Variants in ARHGAP15 observed in about 807,000 individuals in gnomAD.
The protein encoded by ARHGAP15 is Rho GTPase activating protein 15.
A neutral mutation model predicts 63.7 loss-of-function variants in ARHGAP15; 51 were observed. The observed-to-expected ratio is 0.80, with a 90% CI of 0.64 to 1.01. The LOEUF is 1.01. Ranked by LOEUF, ARHGAP15 falls within the 50% of genes least tolerant of loss-of-function variation. The pLI, the probability that ARHGAP15 is intolerant of heterozygous loss-of-function variation, is 0.00. For missense variants in ARHGAP15, 560 were observed against 564.6 expected, an observed-to-expected ratio of 0.99 and a Z score of 0.08; for synonymous variants, 191 against 193.8, an observed-to-expected ratio of 0.99 and a Z score of 0.12.
chr2:143,518,684 G>A (rs1693929712), intron 9 of ARHGAP15, among the ~76,000 whole-genome samples: 1 of 152,164 alleles, frequency 6.6e-6, no homozygotes, highest in South Asian at 2.1e-4. Flanking sequence ...GAGATAGGAA[G>A]GAGTTAGTGA....
At chr2:143,502,902 C>A (rs1443416799) in intron 9 of ARHGAP15, among the ~76,000 whole-genome samples, 1 of 152,160 alleles carries the variant, frequency 6.6e-6, no homozygotes, top group Non-Finnish European at 1.5e-5. Context: ...TCTTTCTGGC[C>A]TCCCAGATGC....
chr2:143,144,179 A>C lies in ARHGAP15; in HGVS notation c.-14-11298A>C, dbSNP rs577401287. ...CAGTCTATTGTTGATGGGCATTTAG[A>C]TTAACTCTATGTCTTTGATACTGTG... On this transcript the variant is annotated intron_variant, in intron 1 of 13. Transcript: ENST00000295095. Among the ~76,000 whole-genome samples, 40 of 152,032 alleles carry C rather than the reference A, an allele frequency of 2.6e-4. 1 individual carries two copies. In the South Asian group the frequency reaches 7.9e-3, roughly 30 times the overall value.
At chr2:143,288,609 A>C (rs184724838) in intron 6 of ARHGAP15, among the ~76,000 whole-genome samples, 30 of 130,902 alleles carry the variant, frequency 2.3e-4, no homozygotes, top group African/African-American at 8.4e-4. Context: ...ATTCCCTTAG[A>C]TTCCTCGGGA....
chr2:143,585,746 G>C (rs1180127846), intron 11 of ARHGAP15, among the ~76,000 whole-genome samples: 1 of 152,096 alleles, frequency 6.6e-6, no homozygotes, highest in Admixed American at 6.5e-5. Context: ...CTTCCTTCCA[G>C]ATAGTCTTCC....
intron 11 of ARHGAP15, among the ~76,000 whole-genome samples, chr2:143,569,297 A>T (rs1392372443): frequency 2.0e-5 from 3 of 152,234 alleles, no homozygotes; most frequent in Non-Finnish European, 4.4e-5. Context: ...CTGGTGGATC[A>T]TCCATTTTGG....
intron 4 of ARHGAP15, among the ~76,000 whole-genome samples, chr2:143,227,596 G>A (rs1558826608): frequency 6.6e-6 from 1 of 152,148 alleles, no homozygotes; most frequent in Non-Finnish European, 1.5e-5. Context: ...GTGTATGGGT[G>A]AAGAAAGTCC....
chr2:143,706,473 C>G (rs1684333080), intron 13 of ARHGAP15: 2 of 152,108 alleles, frequency 1.3e-5, no homozygotes, highest in South Asian at 4.1e-4. Context: ...GACCTACGTA[C>G]TCTACAGTCA....
intron 6 of ARHGAP15, among the ~76,000 whole-genome samples, chr2:143,349,915 T>G (rs1323272054): frequency 6.6e-6 from 1 of 152,176 alleles, no homozygotes; most frequent in East Asian, 1.9e-4. Context: ...GATATTAAGA[T>G]CTGTAGAAGA....
intron 2 of ARHGAP15, among the ~76,000 whole-genome samples, chr2:143,200,876 T>C (rs911623812): frequency 4.0e-5 from 6 of 151,868 alleles, no homozygotes; most frequent in Non-Finnish European, 8.8e-5. Flanking sequence ...GCTCACATCA[T>C]CAACAAAAAA....
chr2:143,327,846 C>A (rs1684326368), intron 6 of ARHGAP15, among the ~76,000 whole-genome samples: 1 of 151,848 alleles, frequency 6.6e-6, no homozygotes, highest in Non-Finnish European at 1.5e-5. Flanking sequence ...GTTTTGCAAT[C>A]TATCCATCTG....
At chr2:143,565,953 T>C (rs1696202923) in intron 11 of ARHGAP15, among the ~76,000 whole-genome samples, 1 of 152,146 alleles carries the variant, frequency 6.6e-6, no homozygotes, top group South Asian at 2.1e-4. Context: ...GACTCACATA[T>C]ATTTATATAG....
At chr2:143,553,844 A>G (rs1695675697) in intron 10 of ARHGAP15, among the ~76,000 whole-genome samples, 1 of 152,230 alleles carries the variant, frequency 6.6e-6, no homozygotes, top group Non-Finnish European at 1.5e-5. Flanking sequence ...TTACAATTCT[A>G]TGCATTTCAA....
At chr2:143,209,044 T>C (rs1304430377) in intron 3 of ARHGAP15, among the ~76,000 whole-genome samples, 1 of 152,100 alleles carries the variant, frequency 6.6e-6, no homozygotes, top group Admixed American at 6.6e-5. Flanking sequence ...TATCATTTTG[T>C]GGATTAATTA....
chr2:143,583,272 T>C (rs1324173364), intron 11 of ARHGAP15, among the ~76,000 whole-genome samples: 1 of 152,206 alleles, frequency 6.6e-6, no homozygotes, highest in African/African-American at 2.4e-5. Flanking sequence ...ATAAATATAA[T>C]TGTCTTCTTT....
chr2:143,638,680 A>T (rs1319235013), intron 12 of ARHGAP15, among the ~76,000 whole-genome samples: 1 of 110,960 alleles, frequency 9.0e-6, no homozygotes, highest in African/African-American at 4.7e-5. Flanking sequence ...AAAAGAAAAA[A>T]AAATATTAAA....
intron 12 of ARHGAP15, among the ~76,000 whole-genome samples, chr2:143,649,231 G>A (rs192529567): frequency 5.3e-5 from 8 of 151,856 alleles, no homozygotes; most frequent in East Asian, 1.9e-4. Flanking sequence ...TCTATATTTC[G>A]ATGTTTGCTG....
intron 13 of ARHGAP15, among the ~76,000 whole-genome samples, chr2:143,727,491 G>A (rs571118989): frequency 3.3e-5 from 5 of 152,278 alleles, no homozygotes; most frequent in African/African-American, 1.2e-4. Context: ...TTTATCTGAT[G>A]TACTGTTTTT....
At chr2:143,755,274 TG>T (rs11298875) in intron 13 of ARHGAP15, among the ~76,000 whole-genome samples, 26,933 of 133,944 alleles carry the variant, frequency 0.2, 2,613 homozygotes, top group East Asian at 0.33. Flanking sequence ...CCAGCATATA[TG>T]GGGGGGGGGG....
At chr2:143,181,500 G>A (rs1212413272) in intron 2 of ARHGAP15, among the ~76,000 whole-genome samples, 1 of 152,148 alleles carries the variant, frequency 6.6e-6, no homozygotes, top group African/African-American at 2.4e-5. Flanking sequence ...AATTTTAGCT[G>A]GATCTTCTAG....
Sources: gnomAD v4.1 joint callset for allele counts (sites outside exome capture counted in the v4.1 genomes callset) on GRCh38, gnomAD v4.1.1 for gene constraint, MANE v1.5 for transcripts, NCBI Gene and HGNC (gene_info 2026-07-23, HGNC 2026-07-21) for gene names.